The following PRKCH variants were observed in gnomAD, a reference collection of about 807,000 sequenced individuals.
The protein encoded by PRKCH is protein kinase C eta.
A neutral mutation model predicts 82.5 loss-of-function variants in PRKCH; 28 were observed. The ratio of observed to expected loss-of-function variants is 0.34; its 90% confidence interval spans 0.25 to 0.47. The LOEUF (loss-of-function observed/expected upper bound fraction) is 0.47. PRKCH is among the 20% of genes least tolerant of loss of function. The probability of loss-of-function intolerance (pLI) is 1.00; values close to 1 mark genes in which losing one functional copy is unlikely to be tolerated. For synonymous variants in PRKCH, 322 were observed against 327.4 expected (o/e 0.98, Z 0.18); for missense variants, 705 against 881.8 (o/e 0.80, Z 2.54).
intron 13 of PRKCH, 73 bp downstream of exon 13, chr14:61,547,959 G>A: frequency 6.4e-7 from 1 of 1,560,808 alleles, no homozygotes; most frequent in Non-Finnish European, 8.7e-7. Flanking sequence ...GTCCGTAGAA[G>A]AGCTGGATGG....
intron 2 of PRKCH, among the ~76,000 whole-genome samples, chr14:61,436,811 C>T (rs1883701796): frequency 6.6e-6 from 1 of 152,262 alleles, no homozygotes; most frequent in African/African-American, 2.4e-5. Flanking sequence ...GGATTACAGG[C>T]ATGAGCCGCC....
chr14:61,270,159 G>A (rs144794897), intron 1 of PRKCH, among the ~76,000 whole-genome samples: 13 of 152,176 alleles, frequency 8.5e-5, no homozygotes, highest in African/African-American at 2.6e-4. Flanking sequence ...ATGGCCTCCC[G>A]CTTTCTGCTC....
At position 61,457,208 on chromosome 14, in the gene PRKCH, G is replaced by GTTT; in HGVS notation, c.993_994insTTT (p.Gln331_Gly332insPhe). The stretch of plus-strand genomic sequence containing the variant: ...TTTCCAGATCGACCCTAAGACGACA[G>GTTT]GGAAAGGAGAGCAGCAAAGAAGGAA... On this transcript the variant is annotated inframe_insertion, in exon 8 of 14. Coordinates refer to ENST00000332981, the MANE Select transcript of PRKCH (RefSeq NM_006255.5). 1 of 1,614,190 alleles carries GTTT rather than the reference G, an allele frequency of 6.2e-7. No homozygotes were observed. The highest frequency in any genetic ancestry group is 8.5e-7 in the Non-Finnish European group (1 of 1,180,034).
At chr14:61,470,352 TG>T (rs1292623223) in intron 9 of PRKCH, among the ~76,000 whole-genome samples, 8 of 152,106 alleles carry the variant, frequency 5.3e-5, no homozygotes, top group African/African-American at 1.7e-4. Flanking sequence ...CTCATCCCGC[TG>T]GCAAGACTAG....
chr14:61,397,457 A>C (rs370135516), intron 2 of PRKCH, among the ~76,000 whole-genome samples: 9 of 152,240 alleles, frequency 5.9e-5, no homozygotes, highest in African/African-American at 2.2e-4. Context: ...AGACAGGCAC[A>C]TGGATAAAGA....
intron 2 of PRKCH, among the ~76,000 whole-genome samples, chr14:61,396,362 T>C (rs1042210671): frequency 6.6e-6 from 1 of 152,128 alleles, no homozygotes; most frequent in African/African-American, 2.4e-5. Context: ...CTGAATTAGC[T>C]CAGGCAAAAC....
At chr14:61,453,700 C>T (rs1342422494) in intron 7 of PRKCH, among the ~76,000 whole-genome samples, 1 of 151,830 alleles carries the variant, frequency 6.6e-6, no homozygotes, top group East Asian at 1.9e-4. Flanking sequence ...GTCACCCAGG[C>T]TGGAGTGCAG....
At chr14:61,507,212 G>A (rs1887187090) in intron 10 of PRKCH, among the ~76,000 whole-genome samples, 1 of 152,140 alleles carries the variant, frequency 6.6e-6, no homozygotes, top group Non-Finnish European at 1.5e-5. Context: ...TAACCATCTG[G>A]GAAATGCAAA....
chr14:61,422,441 C>T (rs1435432873), intron 2 of PRKCH, among the ~76,000 whole-genome samples: 1 of 152,200 alleles, frequency 6.6e-6, no homozygotes, highest in Admixed American at 6.5e-5. Context: ...TGCTGCAAAG[C>T]ACCTTTCTAG....
chr14:61,210,111 AAT>A (rs60055073), intron 1 of PRKCH, among the ~76,000 whole-genome samples: 1,026 of 86,040 alleles, frequency 0.012, 14 homozygotes, highest in South Asian at 0.035. Context: ...CAAACAAACA[AAT>A]ATATATATAT....
At chr14:61,206,591 G>A (rs1327920575) in intron 1 of PRKCH, among the ~76,000 whole-genome samples, 1 of 152,152 alleles carries the variant, frequency 6.6e-6, no homozygotes, top group Non-Finnish European at 1.5e-5. Flanking sequence ...AAAGATAGGG[G>A]AGTACTCAGA....
chr14:61,217,044 T>C (rs2044621024), intron 1 of PRKCH, among the ~76,000 whole-genome samples: 1 of 152,150 alleles, frequency 6.6e-6, no homozygotes, highest in African/African-American at 2.4e-5. Context: ...CTCTACACTT[T>C]AGATTTGCAC....
intron 1 of PRKCH, among the ~76,000 whole-genome samples, chr14:61,358,586 T>C (rs2046182065): frequency 6.6e-6 from 1 of 152,190 alleles, no homozygotes; most frequent in Non-Finnish European, 1.5e-5. Context: ...CCTGTGATCC[T>C]CCCTCCAGTG....
At chr14:61,338,059 G>T (rs2045881203) in intron 1 of PRKCH, among the ~76,000 whole-genome samples, 1 of 152,118 alleles carries the variant, frequency 6.6e-6, no homozygotes, top group Admixed American at 6.5e-5. Flanking sequence ...GATTTGCTGG[G>T]GCGCTGCTGT....
intron 3 of PRKCH, 149 bp from the exon 4 acceptor site, chr14:61,445,543 C>T: frequency 2.7e-6 from 2 of 742,730 alleles, no homozygotes; most frequent in Non-Finnish European, 4.7e-6. Context: ...TAGTAACAAA[C>T]AATGGCTCAG....
intron 2 of PRKCH, among the ~76,000 whole-genome samples, chr14:61,415,824 T>C (rs913365331): frequency 2.6e-5 from 4 of 152,158 alleles, no homozygotes; most frequent in Non-Finnish European, 5.9e-5. Flanking sequence ...CTATACCCAT[T>C]GAATACTAAT....
chr14:61,315,936 T>C (rs944576014), intron 1 of PRKCH, among the ~76,000 whole-genome samples: 1 of 151,898 alleles, frequency 6.6e-6, no homozygotes, highest in Non-Finnish European at 1.5e-5. Context: ...TTAGTAGAGA[T>C]GGGGTTTCAT....
chr14:61,499,303 G>A (rs562999327), intron 10 of PRKCH, among the ~76,000 whole-genome samples: 1 of 152,210 alleles, frequency 6.6e-6, no homozygotes, highest in Non-Finnish European at 1.5e-5. Flanking sequence ...GAAATGTGAA[G>A]TGGTACAAGT....
At position 61,188,738 on chromosome 14, in the gene PRKCH, TGA is replaced by T. The variant is rs1491440791; in HGVS notation, c.-19+1071_-19+1072del. Among the ~76,000 whole-genome samples, 7 of 145,744 alleles carry T rather than the reference TGA, an allele frequency of 4.8e-5. 1 individual carries two copies. The highest frequency in any genetic ancestry group is 4.1e-4 in the East Asian group (2 of 4,890). On this transcript the variant is annotated intron_variant, in intron 1 of 3. Transcript: ENST00000555185. ...GTGTGTGTGTGTGTGTGTGTGTGTG[TGA>T]TGGAGTTTTGCTCTTGTTGCCCAGG...
Sources: allele counts gnomAD v4.1 joint callset (sites outside exome capture counted in the v4.1 genomes callset), GRCh38; gene constraint gnomAD v4.1.1; transcripts MANE v1.5; gene names NCBI Gene and HGNC (gene_info 2026-07-23, HGNC 2026-07-21).